The following BCL2L14 variants were observed in gnomAD, a reference collection of about 807,000 sequenced individuals.
BCL2L14 encodes the protein BCL2 like 14.
In BCL2L14, 27 loss-of-function variants were observed where a neutral mutation model predicts 35.3. That is an observed-to-expected ratio of 0.76 (90% CI 0.56 to 1.05). The LOEUF (loss-of-function observed/expected upper bound fraction) is 1.05. Among genes scored for constraint, BCL2L14 ranks in the 50% least tolerant of loss-of-function variants. The pLI is 0.00. For missense variants in BCL2L14, 377 were observed against 382.6 expected (o/e 0.99, Z 0.12); for synonymous variants, 139 against 145.9 (o/e 0.95, Z 0.34).
At chr12:12,083,006 C>T (rs1948960087) in intron 2 of BCL2L14, among the ~76,000 whole-genome samples, 1 of 152,086 alleles carries the variant, frequency 6.6e-6, no homozygotes, top group African/African-American at 2.4e-5. Flanking sequence ...GCTCTGTCAC[C>T]CAGGCTGGAG....
At chr12:12,091,392 C>A (rs190350958) in intron 4 of BCL2L14, among the ~76,000 whole-genome samples, 16 of 152,274 alleles carry the variant, frequency 1.1e-4, no homozygotes, top group African/African-American at 3.6e-4. Flanking sequence ...CCCATCTTTC[C>A]AATCAGGAAC....
rs538183109 is a variant in BCL2L14 at position 12,063,729 on chromosome 12, C to A, written c.-272+11882C>A. On this transcript the variant is annotated intron_variant, in intron 2 of 3. Transcript: ENST00000461264. ...TAAGCCATCATATCCCCGTGACCTG[C>A]ACGTACACATCCAGATGGCCAGTTC... Among the ~76,000 whole-genome samples the A allele has an allele frequency of 3.2e-4, 48 of 152,298 alleles. No individual in the cohort carries two copies. In the South Asian group the frequency reaches 9.6e-3, roughly 30 times the overall value.
At chr12:12,095,701 A>G (rs1038049332) in intron 5 of BCL2L14, 1 of 985,392 alleles carries the variant, frequency 1.0e-6, no homozygotes, top group Non-Finnish European at 1.2e-6. Flanking sequence ...AGGGGCCAGC[A>G]GGAGGATTGA....
chr12:12,057,744 C>T, intron 2 of BCL2L14, among the ~76,000 whole-genome samples: 1 of 106,044 alleles, frequency 9.4e-6, no homozygotes, highest in Non-Finnish European at 2.0e-5. Context: ...GCAATAAGAG[C>T]AAAACTCCAT....
intron 1 of BCL2L14, chr12:12,071,487 C>T (rs1364473942): frequency 6.6e-6 from 1 of 152,258 alleles, no homozygotes; most frequent in Non-Finnish European, 1.5e-5. Flanking sequence ...ACAGCCATTC[C>T]GTGGCCAGGG....
intron 3 of BCL2L14, 133 bp from the exon 4 acceptor site, chr12:12,090,642 AAAAT>A (rs1555094101): frequency 4.2e-5 from 25 of 601,800 alleles, no homozygotes; most frequent in Middle Eastern, 4.6e-4. Context: ...TAAAAAATAA[AAAAT>A]AAAAAAAAAA....
intron 1 of BCL2L14, chr12:12,077,884 G>T: frequency 5.9e-6 from 2 of 336,272 alleles, no homozygotes; most frequent in South Asian, 4.6e-5. Flanking sequence ...GAGACTAAAA[G>T]GAAAATGTAG....
At chr12:12,093,380 C>T (rs1188240273) in intron 4 of BCL2L14, among the ~76,000 whole-genome samples, 1 of 152,220 alleles carries the variant, frequency 6.6e-6, no homozygotes, top group Non-Finnish European at 1.5e-5. Flanking sequence ...CACTTGTAAT[C>T]CCAGCTCCTG....
chr12:12,061,097 T>C lies in BCL2L14; in HGVS notation c.-272+9250T>C, dbSNP rs868860554. Reference sequence around the variant, plus strand: ...TCTAGTGCCAACTTAGACAATACTCTTTTAAGCACTCCTTTTTAGTTATCC... The same window carrying C: ...TCTAGTGCCAACTTAGACAATACTCCTTTAAGCACTCCTTTTTAGTTATCC... On this transcript the variant is annotated intron_variant, in intron 2 of 3. Coordinates refer to the BCL2L14 transcript ENST00000461264. Among the ~76,000 whole-genome samples the C allele has an allele frequency of 8.6e-3, 947 of 110,316 alleles. 13 individuals carry two copies. The highest frequency in any genetic ancestry group is 0.012 in the Middle Eastern group (3 of 258). 72.4% of individuals were successfully genotyped at this position (110,316 alleles called of 152,430 possible).
upstream of BCL2L14, among the ~76,000 whole-genome samples, chr12:12,066,931 C>G (rs907678886): frequency 6.6e-6 from 1 of 152,050 alleles, no homozygotes; most frequent in Non-Finnish European, 1.5e-5. Flanking sequence ...AGGATGGTCT[C>G]GATCTCCTGA....
intron 1 of BCL2L14, among the ~76,000 whole-genome samples, chr12:12,076,915 C>T (rs1641719): frequency 0.26 from 39,373 of 151,962 alleles, 5,129 homozygotes; most frequent in East Asian, 0.42. Flanking sequence ...TATCTAACAA[C>T]TTGGACACCG....
chr12:12,068,926 C>A (rs975793368), upstream of BCL2L14, among the ~76,000 whole-genome samples: 1 of 152,106 alleles, frequency 6.6e-6, no homozygotes, highest in Non-Finnish European at 1.5e-5. Flanking sequence ...GTGAATTATT[C>A]GTGAGTTTTC....
chr12:12,069,861 A>G (rs1211572341), upstream of BCL2L14, among the ~76,000 whole-genome samples: 1 of 152,220 alleles, frequency 6.6e-6, no homozygotes, highest in Non-Finnish European at 1.5e-5. Context: ...TAACTTTCCC[A>G]TAACTACCAT....
At chr12:12,083,962 C>A (rs543275849) in intron 2 of BCL2L14, among the ~76,000 whole-genome samples, 2 of 152,178 alleles carry the variant, frequency 1.3e-5, no homozygotes, top group East Asian at 3.9e-4. Context: ...GGAATTCTGC[C>A]ATCCCTCAGC....
intron 4 of BCL2L14, among the ~76,000 whole-genome samples, chr12:12,094,023 C>T (rs1318872436): frequency 6.6e-6 from 1 of 151,226 alleles, no homozygotes; most frequent in Non-Finnish European, 1.5e-5. Flanking sequence ...AAGAGAATCA[C>T]TTGAGCCCAG....
chr12:12,091,998 G>C (rs1033507280), intron 4 of BCL2L14, among the ~76,000 whole-genome samples: 3 of 152,210 alleles, frequency 2.0e-5, no homozygotes, highest in Non-Finnish European at 2.9e-5. Context: ...GTGAGAGAAT[G>C]ATCTTCCTGT....
At chr12:12,096,186 T>C (rs1420802532) in intron 5 of BCL2L14, 1 of 967,600 alleles carries the variant, frequency 1.0e-6, no homozygotes. Flanking sequence ...CAATTGACTA[T>C]GTTTCAAGCA....
chr12:12,061,667 T>G (rs1948528040), intron 2 of BCL2L14, among the ~76,000 whole-genome samples: 1 of 152,166 alleles, frequency 6.6e-6, no homozygotes, highest in Admixed American at 6.5e-5. Flanking sequence ...CTTTGCACCC[T>G]TCATCCTAGC....
intron 1 of BCL2L14, chr12:12,071,419 T>C (rs1642766128): frequency 6.6e-6 from 1 of 152,168 alleles, no homozygotes; most frequent in African/African-American, 2.4e-5. Flanking sequence ...CTGGTTGAGG[T>C]ATGTGACGTT....
Sources: allele counts gnomAD v4.1 joint callset (sites outside exome capture counted in the v4.1 genomes callset), GRCh38; gene constraint gnomAD v4.1.1; transcripts MANE v1.5; gene names NCBI Gene and HGNC (gene_info 2026-07-23, HGNC 2026-07-21).